The following PRR11 variants were observed in gnomAD, a reference collection of about 807,000 sequenced individuals.
PRR11 encodes the protein proline-rich protein 11.
In PRR11, 30 loss-of-function variants were observed where a neutral mutation model predicts 45.6. The ratio of observed to expected loss-of-function variants is 0.66; its 90% CI spans 0.49 to 0.89. PRR11 has a LOEUF of 0.89. Among genes scored for constraint, PRR11 ranks in the 40% least tolerant of loss-of-function variants. The probability of loss-of-function intolerance (pLI) is 0.00; values close to 1 mark genes in which losing one functional copy is unlikely to be tolerated. For missense variants in PRR11, 373 were observed against 424.8 expected (o/e 0.88, Z 1.07); for synonymous variants, 128 against 153.5 (o/e 0.83, Z 1.23).
At chr17:59,187,766 G>C (rs1450592292) in intron 4 of PRR11, among the ~76,000 whole-genome samples, 1 of 151,266 alleles carries the variant, frequency 6.6e-6, no homozygotes, top group Non-Finnish European at 1.5e-5. Context: ...TCAGGAGGCT[G>C]AGGCAGGAGA....
intron 2 of PRR11, chr17:59,181,892 C>T: frequency 7.7e-7 from 1 of 1,301,972 alleles, no homozygotes. Context: ...TGGCTTTCTC[C>T]TCTGCTCAAC....
At chr17:59,195,582 C>A in intron 7 of PRR11, 139 bp downstream of exon 7, 1 of 558,050 alleles carries the variant, frequency 1.8e-6, no homozygotes, top group South Asian at 3.3e-5. Context: ...TATAGAAAAA[C>A]TGAAATCTAC....
chr17:59,161,722 G>A (rs949946326), intron 1 of PRR11, among the ~76,000 whole-genome samples: 13 of 152,224 alleles, frequency 8.5e-5, no homozygotes, highest in African/African-American at 2.4e-4. Context: ...GCAATCCAGC[G>A]TGGGCAACAG....
chr17:59,193,843 GA>G, intron 5 of PRR11, 109 bp downstream of exon 5: 1 of 1,296,032 alleles, frequency 7.7e-7, no homozygotes, highest in Non-Finnish European at 1.1e-6. Flanking sequence ...GCTTGGGCCA[GA>G]AGGCTATATT....
intron 2 of PRR11, chr17:59,175,111 T>C: frequency 1.8e-6 from 1 of 568,356 alleles, no homozygotes; most frequent in South Asian, 1.6e-5. Flanking sequence ...TCCTCCTCCA[T>C]GTCATTGGCC....
intron 2 of PRR11, among the ~76,000 whole-genome samples, chr17:59,172,847 C>T (rs1440292094): frequency 2.0e-5 from 3 of 152,346 alleles, no homozygotes; most frequent in East Asian, 3.9e-4. Flanking sequence ...CCCTGACGAG[C>T]GCCGCCCCCT....
rs571175375 is a variant in PRR11 at position 59,204,043 on chromosome 17, A to G, written c.*2412A>G. On this transcript the variant is annotated 3_prime_UTR_variant, in exon 10 of 10. Transcript: ENST00000262293. ...TTTATAATATTGTAAACCACTGTGT[A>G]CTCTATTCATTTAATGCTAAATGAC... 1 of 152,092 alleles carries G rather than the reference A, an allele frequency of 6.6e-6. No homozygotes were observed. Among genetic ancestry groups the G allele is most frequent in the African/African-American group, 2.4e-5 (1 of 41,468 alleles). 9.4% of individuals were successfully genotyped at this position (152,092 alleles called of 1,614,324 possible). A position where few individuals can be genotyped will look rare whatever the true frequency, so the allele number is the denominator to read the frequency against.
chr17:59,193,850 A>G, intron 5 of PRR11, 116 bp downstream of exon 5: 1 of 1,242,818 alleles, frequency 8.0e-7, no homozygotes, highest in South Asian at 1.5e-5. Flanking sequence ...CCAGAAGGCT[A>G]TATTTTGTTC....
chr17:59,183,963 G>A (rs1357293180), intron 2 of PRR11, among the ~76,000 whole-genome samples: 1 of 125,856 alleles, frequency 7.9e-6, no homozygotes, highest in Non-Finnish European at 1.6e-5. Flanking sequence ...AATTAGCCAG[G>A]TGTGGTGGCT....
intron 2 of PRR11, among the ~76,000 whole-genome samples, chr17:59,173,547 C>G (rs1489602826): frequency 6.6e-6 from 1 of 152,150 alleles, no homozygotes; most frequent in Non-Finnish European, 1.5e-5. Flanking sequence ...AGAGCTGTAA[C>G]ACTCACCGCG....
At chr17:59,163,243 T>C (rs1259200675) in intron 1 of PRR11, among the ~76,000 whole-genome samples, 1 of 151,976 alleles carries the variant, frequency 6.6e-6, no homozygotes, top group Non-Finnish European at 1.5e-5. Context: ...GCCACATGCC[T>C]GGCTAAATTT....
chr17:59,182,321 C>A (rs1274344517), intron 2 of PRR11, among the ~76,000 whole-genome samples: 1 of 151,162 alleles, frequency 6.6e-6, no homozygotes, highest in Non-Finnish European at 1.5e-5. Context: ...AGCCACTGCA[C>A]CTGGCCTGAA....
chr17:59,185,058 G>C lies in PRR11; in HGVS notation c.133G>C (p.Gly45Arg). ...PPPPPSPERV[G>R]ISSIDISQSR... ...TTCATTTTGTTTTTCCTACAGAGTC[G>C]GTATTTCTTCAATAGATATATCTCA... The change falls in exon 3 of 10, where the codon GGT (glycine) becomes CGT (arginine). Residue 45 changes from glycine (G) to arginine (R), a missense_variant. Gly to Arg is a moderately radical substitution (Grantham distance 125). Coordinates refer to ENST00000262293, the MANE Select transcript of PRR11 (RefSeq NM_018304.4). 6.2e-7 allele frequency: 1 copy of C among 1,612,078 alleles called. No homozygotes were observed. The highest frequency in any genetic ancestry group is 8.5e-7 in the Non-Finnish European group (1 of 1,178,878).
intron 4 of PRR11, among the ~76,000 whole-genome samples, chr17:59,186,078 A>G (rs148961377): frequency 6.6e-6 from 1 of 152,246 alleles, no homozygotes; most frequent in Non-Finnish European, 1.5e-5. Flanking sequence ...TCACTTCCAA[A>G]ATAAAAAATT....
intron 5 of PRR11, 107 bp from the exon 6 acceptor site, chr17:59,194,650 A>G: frequency 4.2e-6 from 3 of 719,008 alleles, no homozygotes; most frequent in Non-Finnish European, 7.0e-6. Context: ...CCTAGGGTAG[A>G]TAAGAGTTAC....
chr17:59,179,643 T>C, intron 2 of PRR11: 1 of 1,509,374 alleles, frequency 6.6e-7, no homozygotes, highest in Non-Finnish European at 9.0e-7. Flanking sequence ...TGGGGTGTCC[T>C]CCTACCAAGC....
intron 1 of PRR11, chr17:59,160,908 C>CT (rs1211045213): frequency 6.8e-6 from 1 of 147,240 alleles, no homozygotes; most frequent in Non-Finnish European, 1.5e-5. Context: ...TTTTTTTTTT[C>CT]TTTTTTTCAT....
At chr17:59,179,084 C>T (rs893672670) in intron 2 of PRR11, among the ~76,000 whole-genome samples, 4 of 152,166 alleles carry the variant, frequency 2.6e-5, no homozygotes, top group Non-Finnish European at 5.9e-5. Context: ...ACTGCAACCT[C>T]GGCCTCCCGA....
chr17:59,177,913 G>T lies in PRR11; in HGVS notation c.129-7141G>T, dbSNP rs571482294. On this transcript the variant is annotated intron_variant, in intron 2 of 9. Coordinates refer to ENST00000262293, the MANE Select transcript of PRR11 (RefSeq NM_018304.4). ...CCAACTGCTCAGGAGGCTGAGGCAG[G>T]ATTGCAAGAGCCCAGGAATTAGAGG... Among the ~76,000 whole-genome samples the T allele has an allele frequency of 4.0e-5, 6 of 151,584 alleles. No individual in the cohort carries two copies. In the South Asian group the frequency reaches 1.3e-3, roughly 32 times the overall value.
Sources: allele counts gnomAD v4.1 joint callset (sites outside exome capture counted in the v4.1 genomes callset), GRCh38; gene constraint gnomAD v4.1.1; transcripts MANE v1.5; gene names NCBI Gene and HGNC (gene_info 2026-07-23, HGNC 2026-07-21).